Variants in FBXL4 observed in about 807,000 individuals in gnomAD.
FBXL4 encodes the protein F-box/LRR-repeat protein 4.
A neutral mutation model predicts 58.9 loss-of-function variants in FBXL4; 40 were observed. The ratio of observed to expected loss-of-function variants is 0.68; its 90% CI spans 0.53 to 0.88. The LOEUF is 0.88. Ranked by LOEUF, FBXL4 falls within the 40% of genes least tolerant of loss-of-function variation. The probability of loss-of-function intolerance (pLI) is 0.00; values close to 1 mark genes in which losing one functional copy is unlikely to be tolerated. For missense variants in FBXL4, 676 were observed against 734.4 expected (o/e 0.92, Z 0.92); for synonymous variants, 263 against 265.5 (o/e 0.99, Z 0.09).
At chr6:98,884,343 T>G (rs573312543) in intron 7 of FBXL4, among the ~76,000 whole-genome samples, 88 of 152,260 alleles carry the variant, frequency 5.8e-4, no homozygotes, top group African/African-American at 2.1e-3. Context: ...ACCTATCCTA[T>G]CATTATAAAT....
chr6:98,885,333 C>T (rs1770999736), intron 7 of FBXL4, among the ~76,000 whole-genome samples: 1 of 152,154 alleles, frequency 6.6e-6, no homozygotes. Context: ...ACCTCCTGAC[C>T]TCATAATCCA....
intron 1 of FBXL4, among the ~76,000 whole-genome samples, chr6:98,935,184 C>A (rs1350999163): frequency 6.6e-6 from 1 of 151,456 alleles, no homozygotes; most frequent in South Asian, 2.1e-4. Context: ...CTTTAACAAG[C>A]ATATCTAAAC....
chr6:98,874,016 T>C lies in FBXL4; in HGVS notation c.*262A>G, dbSNP rs971653815. 7.7e-6 allele frequency: 2 copies of C among 261,270 alleles called. No individual in the cohort carries two copies. Among genetic ancestry groups the C allele is most frequent in the East Asian group, 1.4e-4 (2 of 13,814 alleles). 16.2% of individuals were successfully genotyped at this position (261,270 alleles called of 1,614,324 possible). A position where few individuals can be genotyped will look rare whatever the true frequency, so the allele number is the denominator to read the frequency against. ...TTCCATGTTATTCTTTTATCAATCA[T>C]ATTATTGACTAAAGCATATCACTGA... On this transcript the variant is annotated 3_prime_UTR_variant, in exon 10 of 10. Transcript: ENST00000369244.
chr6:98,917,343 C>G (rs747270865), intron 5 of FBXL4, 31 bp downstream of exon 5: 3 of 1,454,170 alleles, frequency 2.1e-6, no homozygotes, highest in Admixed American at 3.8e-5. Flanking sequence ...AGTGTTATAT[C>G]CAATACTGCT....
intron 1 of FBXL4, among the ~76,000 whole-genome samples, chr6:98,939,797 G>GA (rs1773365129): frequency 6.6e-6 from 1 of 152,212 alleles, no homozygotes; most frequent in Non-Finnish European, 1.5e-5. Context: ...TAAGCATGAT[G>GA]AAAAATACGT....
intron 1 of FBXL4, among the ~76,000 whole-genome samples, chr6:98,946,735 A>G (rs563154577): frequency 3.4e-4 from 52 of 152,356 alleles, no homozygotes; most frequent in African/African-American, 1.2e-3. Flanking sequence ...TACTCAGAAC[A>G]TAAGTATGGA....
At chr6:98,943,483 G>A (rs1404152115) in intron 1 of FBXL4, among the ~76,000 whole-genome samples, 3 of 146,140 alleles carry the variant, frequency 2.1e-5, no homozygotes, top group African/African-American at 7.7e-5. Flanking sequence ...TGAGGCAGGA[G>A]GATCACTTAA....
intron 7 of FBXL4, among the ~76,000 whole-genome samples, chr6:98,886,425 T>C (rs773718151): frequency 1.3e-5 from 2 of 152,230 alleles, no homozygotes; most frequent in Non-Finnish European, 2.9e-5. Flanking sequence ...GTGTCCAATT[T>C]AGAATTTATC....
intron 4 of FBXL4, 124 bp downstream of exon 4, chr6:98,926,353 A>G: frequency 3.7e-6 from 4 of 1,067,898 alleles, no homozygotes; most frequent in Non-Finnish European, 4.0e-6. Flanking sequence ...AAAACTAAGG[A>G]AAATTTTCAA....
chr6:98,884,114 T>TA (rs1236713663), intron 7 of FBXL4, among the ~76,000 whole-genome samples: 1 of 152,016 alleles, frequency 6.6e-6, no homozygotes, highest in Non-Finnish European at 1.5e-5. Flanking sequence ...CTACAGGTGA[T>TA]AAAATCTTAA....
At chr6:98,877,858 T>C (rs960729550) in intron 8 of FBXL4, among the ~76,000 whole-genome samples, 3 of 152,120 alleles carry the variant, frequency 2.0e-5, no homozygotes, top group African/African-American at 7.2e-5. Flanking sequence ...TTTTTAGAAG[T>C]AAAAAGAAAT....
At chr6:98,927,411 A>G (rs1191031011) in intron 3 of FBXL4, among the ~76,000 whole-genome samples, 1 of 152,214 alleles carries the variant, frequency 6.6e-6, no homozygotes, top group Non-Finnish European at 1.5e-5. Flanking sequence ...GTGAACCACT[A>G]AAATACTGCT....
chr6:98,912,796 A>T (rs1772147876), intron 5 of FBXL4, among the ~76,000 whole-genome samples: 2 of 152,072 alleles, frequency 1.3e-5, no homozygotes, highest in Non-Finnish European at 1.5e-5. Flanking sequence ...AGCTAACATC[A>T]TAATGACAGG....
chr6:98,944,410 T>A (rs974763245), intron 1 of FBXL4, among the ~76,000 whole-genome samples: 21 of 152,254 alleles, frequency 1.4e-4, no homozygotes, highest in African/African-American at 4.3e-4. Flanking sequence ...AGGGATATGA[T>A]CATGCAAGTA....
In FBXL4 at chr6:98,905,396, A is replaced by G. The variant is rs6935315; in HGVS notation, c.1103+30T>C. The G allele has an allele frequency of 0.37, 589,220 of 1,598,060 alleles. 113,732 individuals are homozygous for G. Among genetic ancestry groups the G allele is most frequent in the Middle Eastern group, 0.41 (2,446 of 5,994 alleles). On this transcript the variant is annotated intron_variant, in intron 6 of 9. Coordinates refer to ENST00000369244, the MANE Select transcript of FBXL4 (RefSeq NM_001278716.2). Reference sequence around the variant, plus strand: ...TAAGTATAACCTGCTGCTGGGGGGGAAAAAAACTTCATCAAGGCTTTGTAC... The same window carrying G: ...TAAGTATAACCTGCTGCTGGGGGGGGAAAAAACTTCATCAAGGCTTTGTAC...
chr6:98,913,278 G>A (rs374904374), intron 5 of FBXL4, among the ~76,000 whole-genome samples: 10,678 of 151,614 alleles, frequency 0.07, 552 homozygotes, highest in East Asian at 0.27. Context: ...GAGACAGAAA[G>A]TTAACAAGGA....
intron 1 of FBXL4, among the ~76,000 whole-genome samples, chr6:98,940,025 T>C (rs1023364272): frequency 2.6e-5 from 4 of 152,226 alleles, no homozygotes; most frequent in Admixed American, 6.5e-5. Context: ...GAATTTACAT[T>C]TGTTTACATT....
intron 5 of FBXL4, among the ~76,000 whole-genome samples, chr6:98,907,884 C>T (rs1045576964): frequency 6.6e-6 from 1 of 152,104 alleles, no homozygotes; most frequent in Non-Finnish European, 1.5e-5. Context: ...CAGAATCTCC[C>T]TTACTCCTGA....
At chr6:98,898,257 G>C in intron 7 of FBXL4, 1 of 978,200 alleles carries the variant, frequency 1.0e-6, no homozygotes, top group Non-Finnish European at 1.2e-6. Flanking sequence ...AACATTCAAG[G>C]AATAGAAAGA....
Sources: gnomAD v4.1 joint callset for allele counts (sites outside exome capture counted in the v4.1 genomes callset) on GRCh38, gnomAD v4.1.1 for gene constraint, MANE v1.5 for transcripts, NCBI Gene and HGNC (gene_info 2026-07-23, HGNC 2026-07-21) for gene names.